The following CTDSPL variants were observed in gnomAD, a reference collection of about 807,000 sequenced individuals.
CTDSPL encodes the protein CTD small phosphatase like.
A neutral mutation model predicts 30.5 loss-of-function variants in CTDSPL; 8 were observed. That is an observed-to-expected ratio of 0.26 (90% CI 0.15 to 0.47). CTDSPL has a LOEUF of 0.47. CTDSPL is among the 20% of genes least tolerant of loss of function. The pLI is 0.99. For missense variants in CTDSPL, 248 were observed against 366.1 expected (o/e 0.68, Z 2.63); for synonymous variants, 110 against 137.9 (o/e 0.80, Z 1.42).
chr3:37,929,966 G>T (rs547299163), intron 1 of CTDSPL, among the ~76,000 whole-genome samples: 5 of 151,992 alleles, frequency 3.3e-5, no homozygotes, highest in Non-Finnish European at 5.9e-5. Context: ...AAATTAGCTG[G>T]GCATGGTGGT....
chr3:37,958,563 T>C (rs1313229705), intron 3 of CTDSPL, among the ~76,000 whole-genome samples: 1 of 152,186 alleles, frequency 6.6e-6, no homozygotes, highest in Non-Finnish European at 1.5e-5. Context: ...CAAAGTTAAG[T>C]GCAGAACAAA....
At chr3:37,949,548 C>T (rs1420552651) in intron 2 of CTDSPL, among the ~76,000 whole-genome samples, 1 of 152,208 alleles carries the variant, frequency 6.6e-6, no homozygotes, top group Non-Finnish European at 1.5e-5. Context: ...CTCTCACACA[C>T]ATACACATAC....
At chr3:37,949,933 G>A (rs1234403413) in intron 2 of CTDSPL, among the ~76,000 whole-genome samples, 2 of 152,304 alleles carry the variant, frequency 1.3e-5, no homozygotes, top group South Asian at 2.1e-4. Context: ...GCAGGGAACC[G>A]CCAACAGAGG....
chr3:37,939,104 G>A (rs985490669), intron 1 of CTDSPL, among the ~76,000 whole-genome samples: 1 of 149,962 alleles, frequency 6.7e-6, no homozygotes, highest in African/African-American at 2.4e-5. Context: ...TTTTCATAAA[G>A]CCAGGCTGTT....
At chr3:37,914,003 T>C (rs891725717) in intron 1 of CTDSPL, among the ~76,000 whole-genome samples, 1 of 152,240 alleles carries the variant, frequency 6.6e-6, no homozygotes, top group African/African-American at 2.4e-5. Context: ...TGAGATTGTG[T>C]GGAATCTGTA....
At chr3:37,954,666 TG>T (rs1699149205) in intron 2 of CTDSPL, 1 of 152,258 alleles carries the variant, frequency 6.6e-6, no homozygotes, top group Non-Finnish European at 1.5e-5. Context: ...CCTGGAGAAA[TG>T]AGGATTTGGA....
At chr3:37,933,644 T>A (rs1413215917) in intron 1 of CTDSPL, among the ~76,000 whole-genome samples, 2 of 152,228 alleles carry the variant, frequency 1.3e-5, no homozygotes, top group African/African-American at 4.8e-5. Context: ...GTTTTCTAAC[T>A]TCTCTGGGCC....
At chr3:37,935,003 T>A (rs1300874999) in intron 1 of CTDSPL, among the ~76,000 whole-genome samples, 1 of 152,198 alleles carries the variant, frequency 6.6e-6, no homozygotes, top group East Asian at 1.9e-4. Flanking sequence ...ACATAGGGTA[T>A]GTGTGCATGT....
intron 1 of CTDSPL, among the ~76,000 whole-genome samples, chr3:37,936,780 C>T (rs1698921286): frequency 6.6e-6 from 1 of 151,838 alleles, no homozygotes; most frequent in South Asian, 2.1e-4. Flanking sequence ...AAGAAATAGC[C>T]TTCACTTGGG....
At chr3:37,943,627 T>C (rs1402349167) in intron 1 of CTDSPL, among the ~76,000 whole-genome samples, 1 of 150,348 alleles carries the variant, frequency 6.7e-6, no homozygotes, top group African/African-American at 2.4e-5. Context: ...TGGGGAGATG[T>C]ATGCATTCAA....
intron 1 of CTDSPL, among the ~76,000 whole-genome samples, chr3:37,908,021 G>C (rs569482046): frequency 2.0e-5 from 3 of 152,354 alleles, no homozygotes; most frequent in Admixed American, 1.3e-4. Flanking sequence ...AAGTCTGAAA[G>C]CTTCTACAGT....
chr3:37,903,019 G>T (rs995431836), intron 1 of CTDSPL, among the ~76,000 whole-genome samples: 6 of 152,208 alleles, frequency 3.9e-5, no homozygotes, highest in African/African-American at 1.4e-4. Flanking sequence ...GGTCCCAGGT[G>T]GGCTTCAGTT....
At chr3:37,963,232 G>C (rs891665905) in intron 3 of CTDSPL, among the ~76,000 whole-genome samples, 1 of 152,202 alleles carries the variant, frequency 6.6e-6, no homozygotes, top group African/African-American at 2.4e-5. Flanking sequence ...AAATGCTTAT[G>C]TCTCCACACG....
intron 1 of CTDSPL, among the ~76,000 whole-genome samples, chr3:37,915,198 C>T (rs552833931): frequency 6.6e-6 from 1 of 152,164 alleles, no homozygotes; most frequent in South Asian, 2.1e-4. Context: ...ATTGATACTC[C>T]ATTGATCTGT....
intron 1 of CTDSPL, among the ~76,000 whole-genome samples, chr3:37,941,794 A>C (rs1225274129): frequency 6.7e-6 from 1 of 150,342 alleles, no homozygotes; most frequent in East Asian, 2.0e-4. Context: ...GTTGTAGCCT[A>C]TTGGGGGACC....
At chr3:37,925,840 GACACAC>G (rs143893590) in intron 1 of CTDSPL, among the ~76,000 whole-genome samples, 8 of 147,604 alleles carry the variant, frequency 5.4e-5, no homozygotes, top group East Asian at 2.0e-4. Context: ...AGTACACACA[GACACAC>G]ACACACACAC....
intron 1 of CTDSPL, among the ~76,000 whole-genome samples, chr3:37,942,058 G>T (rs890164604): frequency 6.7e-6 from 1 of 150,220 alleles, no homozygotes; most frequent in Admixed American, 6.7e-5. Flanking sequence ...AGGGAAAACA[G>T]CCCCCAGCAG....
At chr3:37,933,843 G>T (rs1035789386) in intron 1 of CTDSPL, among the ~76,000 whole-genome samples, 3 of 152,076 alleles carry the variant, frequency 2.0e-5, no homozygotes, top group Non-Finnish European at 4.4e-5. Context: ...TTCTACACTG[G>T]ATGTATTATA....
chr3:37,903,642 G>T (rs1306067937), intron 1 of CTDSPL, among the ~76,000 whole-genome samples: 1 of 152,182 alleles, frequency 6.6e-6, no homozygotes, highest in Non-Finnish European at 1.5e-5. Flanking sequence ...TGTCCAGGCA[G>T]ACAGTCAGCA....
Sources: gnomAD v4.1 joint callset for allele counts (sites outside exome capture counted in the v4.1 genomes callset) on GRCh38, gnomAD v4.1.1 for gene constraint, MANE v1.5 for transcripts, NCBI Gene and HGNC (gene_info 2026-07-23, HGNC 2026-07-21) for gene names.